The following RNASEL variants were observed in gnomAD, a reference collection of about 807,000 sequenced individuals.
The protein encoded by RNASEL is 2-5A-dependent ribonuclease.
In RNASEL, 36 loss-of-function variants were observed where a neutral mutation model predicts 50.9. That is an observed-to-expected ratio of 0.71 (90% CI 0.54 to 0.93). RNASEL has a LOEUF of 0.93. Among genes scored for constraint, RNASEL ranks in the 40% least tolerant of loss-of-function variants. The pLI, the probability that RNASEL is intolerant of heterozygous loss-of-function variation, is 0.00. For synonymous variants in RNASEL, 335 were observed against 335.6 expected, an observed-to-expected ratio of 1.00 and a Z score of 0.02; for missense variants, 860 against 894.5, an observed-to-expected ratio of 0.96 and a Z score of 0.49.
rs375104781 is a variant in RNASEL at position 182,581,214 on chromosome 1, A to G, written c.1905+11T>C. The G allele has an allele frequency of 1.4e-5, 22 of 1,614,034 alleles. No individual in the cohort carries two copies. The African/African-American group carries it at 2.3e-4, about 17-fold the overall frequency. ...CTGGACTAACCCCTGCACTATAGGAATTGTTCATACCTTAGTCGTCCACTT... is the reference window on the plus strand; with the variant it reads ...CTGGACTAACCCCTGCACTATAGGAGTTGTTCATACCTTAGTCGTCCACTT... On this transcript the variant is annotated intron_variant, in intron 5 of 6. Coordinates refer to ENST00000367559, the MANE Select transcript of RNASEL (RefSeq NM_021133.4).
chr1:182,579,921 CA>C (rs778810095), intron 5 of RNASEL: 2 of 461,968 alleles, frequency 4.3e-6, no homozygotes, highest in South Asian at 3.1e-5. Context: ...CCTCTGCAGC[CA>C]TCCTTCCCAG....
At chr1:182,584,266 ATC>A in intron 2 of RNASEL, 100 bp from the exon 3 acceptor site, 1 of 829,674 alleles carries the variant, frequency 1.2e-6, no homozygotes, top group Non-Finnish European at 2.1e-6. Flanking sequence ...AAAAATCATC[ATC>A]TCTGTGGAAG....
Position 182,585,670 on chromosome 1 carries a change from G to A in RNASEL, c.1137C>T (p.Ile379=). 1 of 1,614,142 alleles carries A rather than the reference G, an allele frequency of 6.2e-7. No individual in the cohort carries two copies. The part of the protein sequence containing the change: ...YKIADTSEGG[I]YLGFYEKQEV... ...CTTGCTTCTCATAGAACCCCAGGTA[G>A]ATGCCTCCTTCTGAAGTATCAGCAA... is the stretch of plus-strand genomic sequence containing the variant. Residue 379 remains isoleucine, a synonymous_variant, in exon 2 of 7, where the codon ATC becomes ATT. Transcript: ENST00000367559.
At position 182,585,417 on chromosome 1, in the gene RNASEL, C is replaced by A; in HGVS notation, c.1390G>T (p.Val464Phe). The change falls in exon 2 of 7, where the codon GTC becomes TTC. Residue 464 changes from valine to phenylalanine, a missense_variant. Transcript: ENST00000367559. The stretch of plus-strand genomic sequence containing the variant: ...ACAGCCTTAAATATAGATGACAGGA[C>A]ATTTCGGGCAAATTCATCTTCCTCA... ...ENEEDEFARN[V>F]LSSIFKAVQE... is the part of the protein sequence containing the mutation. 1 of 1,614,188 alleles carries A rather than the reference C, an allele frequency of 6.2e-7. No individual in the cohort carries two copies. Among genetic ancestry groups the A allele is most frequent in the Non-Finnish European group, 8.5e-7 (1 of 1,180,040 alleles).
At position 182,574,040 on chromosome 1, in the gene RNASEL, G is replaced by A. The variant is rs642917; in HGVS notation, c.*1352C>T. 0.97 allele frequency: 194,912 copies of A among 201,618 alleles called. 94,539 individuals are homozygous for A. The highest frequency in any genetic ancestry group is 1 in the East Asian group (12,872 of 12,872). 12.5% of individuals were successfully genotyped at this position (201,618 alleles called of 1,614,324 possible). ...CCTTAGTTTCCTCATCAGCAAAATAGGGATAACAATGTTGACCTTAAAGGA... is the reference window on the plus strand; with the variant it reads ...CCTTAGTTTCCTCATCAGCAAAATAAGGATAACAATGTTGACCTTAAAGGA... On this transcript the variant is annotated 3_prime_UTR_variant, in exon 7 of 7. Transcript: ENST00000367559.
intron 5 of RNASEL, among the ~76,000 whole-genome samples, chr1:182,580,678 T>C (rs1481853432): frequency 6.6e-6 from 1 of 152,144 alleles, no homozygotes; most frequent in Non-Finnish European, 1.5e-5. Context: ...TTTTGTAGAG[T>C]TCCACTATAA....
chr1:182,586,513 G>A lies in RNASEL; in HGVS notation c.294C>T (p.Leu98=), dbSNP rs2102372104. ...GCTTCACGCTCCCCGCAATCGCTGC[G>A]AGGATAAAAGGCGTGGCCCCATTCT... ...RKKNGATPFI[L]AAIAGSVKLL... Residue 98 remains leucine, a synonymous_variant, in exon 2 of 7, where the codon CTC becomes CTT. Coordinates refer to ENST00000367559, the MANE Select transcript of RNASEL (RefSeq NM_021133.4). 6.2e-7 allele frequency: 1 copy of A among 1,611,248 alleles called. No homozygotes were observed. The highest frequency in any genetic ancestry group is 8.5e-7 in the Non-Finnish European group (1 of 1,177,846).
At position 182,581,313 on chromosome 1, in the gene RNASEL, T is replaced by C. The variant is rs760752330; in HGVS notation, c.1817A>G (p.Lys606Arg). Reference protein sequence around the residue: ...LRNVGNESDIKTRKSESEILR... With the variant: ...LRNVGNESDIRTRKSESEILR... ...GATCTCACTTTCAGATTTTCGTGTT[T>C]TGATGTCGGATTCATTTCCCACATT... The change falls in exon 5 of 7, where the codon AAA becomes AGA. Residue 606 changes from lysine to arginine, a missense_variant. By Grantham distance (26) the Lys-to-Arg change is conservative. Coordinates refer to ENST00000367559, the MANE Select transcript of RNASEL (RefSeq NM_021133.4). The C allele has an allele frequency of 5.6e-5, 91 of 1,613,972 alleles. No homozygotes were observed. The highest frequency in any genetic ancestry group is 7.7e-5 in the Non-Finnish European group (91 of 1,180,014).
chr1:182,588,431 C>T lies in RNASEL; in HGVS notation c.-165+736G>A, dbSNP rs552874830. ...TATCCCGTTATGAAAAAATAAATTGCTTAGTGAATTCTATTCTCCCTACAC... is the reference window on the plus strand; with the variant it reads ...TATCCCGTTATGAAAAAATAAATTGTTTAGTGAATTCTATTCTCCCTACAC... On this transcript the variant is annotated intron_variant, in intron 1 of 6. Coordinates refer to ENST00000367559, the MANE Select transcript of RNASEL (RefSeq NM_021133.4). Among the ~76,000 whole-genome samples, 8 of 152,252 alleles carry T rather than the reference C, an allele frequency of 5.3e-5. No individual in the cohort carries two copies. The East Asian group carries it at 1.5e-3, about 29-fold the overall frequency.
rs1287371246 is a variant in RNASEL, at chr1:182,582,373, G to A, written c.1567-115C>T. ...TGATGGGAGGAATCTCAAGGAATTTGTAGGCTTGTTAGGGAGGGAAGGCAC... is the reference window on the plus strand; with the variant it reads ...TGATGGGAGGAATCTCAAGGAATTTATAGGCTTGTTAGGGAGGGAAGGCAC... On this transcript the variant is annotated intron_variant, in intron 3 of 6. Coordinates refer to ENST00000367559, the MANE Select transcript of RNASEL (RefSeq NM_021133.4). 4 of 1,280,974 alleles carry A rather than the reference G, an allele frequency of 3.1e-6. No individual in the cohort carries two copies. The East Asian group carries it at 7.0e-5, about 23-fold the overall frequency. The allele number at this position is 1,280,974 out of a possible 1,614,324, so 79.4% of individuals were successfully genotyped here. A position where few individuals can be genotyped will look rare whatever the true frequency, so the allele number is the denominator to read the frequency against.
chr1:182,575,318 G>A lies in RNASEL; in HGVS notation c.*74C>T. On this transcript the variant is annotated 3_prime_UTR_variant, in exon 7 of 7. Transcript: ENST00000367559. ...TCACAAGCAACCTGGTGAGTTAAAAGGCCCAGAATGTTGTGATTTGCCAAG... is the reference window on the plus strand; with the variant it reads ...TCACAAGCAACCTGGTGAGTTAAAAAGCCCAGAATGTTGTGATTTGCCAAG... 1 of 1,489,888 alleles carries A rather than the reference G, an allele frequency of 6.7e-7. No homozygotes were observed. The highest frequency in any genetic ancestry group is 1.4e-5 in the African/African-American group (1 of 72,520). The allele number at this position is 1,489,888 out of a possible 1,614,324, so 92.3% of individuals were successfully genotyped here. A position where few individuals can be genotyped will look rare whatever the true frequency, so the allele number is the denominator to read the frequency against.
At position 182,574,285 on chromosome 1, in the gene RNASEL, A is replaced by G; in HGVS notation, c.*1107T>C. 1 of 226,178 alleles carries G rather than the reference A, an allele frequency of 4.4e-6. No individual in the cohort carries two copies. The allele number at this position is 226,178 out of a possible 1,614,324, so 14.0% of individuals were successfully genotyped here. The stretch of plus-strand genomic sequence containing the variant: ...ATCGCCCGTGAGGAGCCTACATTCC[A>G]GTGGAGGAACCAAAACTAAAAGGCG... On this transcript the variant is annotated 3_prime_UTR_variant, in exon 7 of 7. Coordinates refer to ENST00000367559, the MANE Select transcript of RNASEL (RefSeq NM_021133.4).
rs558114387 is a variant in RNASEL at position 182,584,121 on chromosome 1, T to C, written c.1526A>G (p.Lys509Arg). 7 of 1,614,106 alleles carry C rather than the reference T, an allele frequency of 4.3e-6. 1 individual carries two copies. The highest frequency in any genetic ancestry group is 4.5e-5 in the East Asian group (2 of 44,868). ...GACTTCCTGTGGATCTCCAGCCCAC[T>C]TGATGCTCTTATCAAAATCTGCCAG... ...AHLADFDKSI[K>R]WAGDPQEVKR... The change falls in exon 3 of 7, where the codon AAG becomes AGG. Residue 509 changes from lysine to arginine, a missense_variant. By Grantham distance (26) the Lys-to-Arg change is conservative (BLOSUM62 2). Transcript: ENST00000367559.
Position 182,586,080 on chromosome 1 carries a change from G to T in RNASEL, c.727C>A (p.Leu243Met), listed in dbSNP as rs769324500. 5.0e-6 allele frequency: 8 copies of T among 1,613,940 alleles called. No individual in the cohort carries two copies. The African/African-American group carries it at 1.1e-4, about 22-fold the overall frequency. The change falls in exon 2 of 7, where the codon CTG becomes ATG. Residue 243 changes from leucine (L) to methionine (M), a missense_variant. By Grantham distance (15) the Leu-to-Met change is conservative (BLOSUM62 2). Coordinates refer to ENST00000367559, the MANE Select transcript of RNASEL (RefSeq NM_021133.4). ...NVRGERGKTPLILAVEKKHLG... is the reference protein window; with the variant it reads ...NVRGERGKTPMILAVEKKHLG... ...TGCTTCTTCTCCACTGCCAGGATCAGGGGAGTCTTCCCTCTTTCTCCCCTC... is the reference window on the plus strand; with the variant it reads ...TGCTTCTTCTCCACTGCCAGGATCATGGGAGTCTTCCCTCTTTCTCCCCTC...
intron 2 of RNASEL, among the ~76,000 whole-genome samples, chr1:182,584,463 C>T (rs539792708): frequency 3.9e-5 from 6 of 152,166 alleles, no homozygotes; most frequent in East Asian, 1.9e-4. Flanking sequence ...TTCCAGGGGC[C>T]GAAAGCACAG....
chr1:182,579,253 G>T (rs1368197527), intron 5 of RNASEL: 82 of 985,478 alleles, frequency 8.3e-5, no homozygotes, highest in Non-Finnish European at 9.0e-5. Context: ...GCTTCTCCTT[G>T]CCTGCAGGTG....
In RNASEL at chr1:182,585,308, T is replaced by C. The variant is rs1396559906; in HGVS notation, c.1480+19A>G. The C allele has an allele frequency of 6.8e-6, 11 of 1,611,932 alleles. No homozygotes were observed. In the Admixed American group the frequency reaches 1.0e-4, roughly 15 times the overall value. ...AGATCCCACAATTTCTAAGAGAGAATTGGGGATTGGGGACTCACCTATTAA... is the reference window on the plus strand; with the variant it reads ...AGATCCCACAATTTCTAAGAGAGAACTGGGGATTGGGGACTCACCTATTAA... On this transcript the variant is annotated intron_variant, in intron 2 of 6. Coordinates refer to ENST00000367559, the MANE Select transcript of RNASEL (RefSeq NM_021133.4).
intron 5 of RNASEL, among the ~76,000 whole-genome samples, chr1:182,580,773 T>C (rs1253456791): frequency 6.6e-6 from 1 of 152,192 alleles, no homozygotes; most frequent in East Asian, 1.9e-4. Flanking sequence ...TCAGGCAGAA[T>C]GTAGGTCTGT....
rs756838851 is a variant in RNASEL at position 182,586,689 on chromosome 1, G to A, written c.118C>T (p.Leu40=). 1 of 1,614,204 alleles carries A rather than the reference G, an allele frequency of 6.2e-7. No homozygotes were observed. The highest frequency in any genetic ancestry group is 8.5e-7 in the Non-Finnish European group (1 of 1,180,040). Residue 40 remains leucine (L), a synonymous_variant, in exon 2 of 7, where the codon CTG becomes TTG. Coordinates refer to ENST00000367559, the MANE Select transcript of RNASEL (RefSeq NM_021133.4). ...IKAVQNEDVD[L]VQQLLEGGAN... ...CCACCTTCCAGCAATTGCTGGACCAGGTCAACATCTTCGTTTTGAACAGCT... is the reference window on the plus strand; with the variant it reads ...CCACCTTCCAGCAATTGCTGGACCAAGTCAACATCTTCGTTTTGAACAGCT...
Sources: gnomAD v4.1 joint callset for allele counts (sites outside exome capture counted in the v4.1 genomes callset) on GRCh38, gnomAD v4.1.1 for gene constraint, MANE v1.5 for transcripts, NCBI Gene and HGNC (gene_info 2026-07-23, HGNC 2026-07-21) for gene names.